The following ANO7 variants were observed in gnomAD, a reference collection of about 807,000 sequenced individuals.
ANO7 encodes the protein anoctamin 7, also known as anoctamin-7.
ANO7 carries 114 observed loss-of-function variants against 115.8 expected under a neutral mutation model. The ratio of observed to expected loss-of-function variants is 0.98; its 90% CI spans 0.85 to 1.15. The LOEUF is 1.15. ANO7 is among the 50% of genes most tolerant of loss of function. The probability of loss-of-function intolerance (pLI) is 0.00; values close to 1 mark genes in which losing one functional copy is unlikely to be tolerated. For missense variants in ANO7, 1,302 were observed against 1,201.2 expected (o/e 1.08, Z -1.24); for synonymous variants, 550 against 498.2 (o/e 1.10, Z -1.38).
chr2:241,221,058 TTTTA>T (rs1230811954), intron 21 of ANO7, among the ~76,000 whole-genome samples: 1 of 151,928 alleles, frequency 6.6e-6, no homozygotes, highest in Non-Finnish European at 1.5e-5. Flanking sequence ...ATTTTTATTT[TTTTA>T]TTTATTTTAT....
In ANO7 at chr2:241,217,880, G is replaced by A; in HGVS notation, c.2167G>A (p.Val723Ile). 6.3e-7 allele frequency: 1 copy of A among 1,586,896 alleles called. No homozygotes were observed. Among genetic ancestry groups the A allele is most frequent in the Non-Finnish European group, 8.5e-7 (1 of 1,172,108 alleles). Residue 723 changes from valine to isoleucine, a missense_variant, in exon 20 of 25, where the codon GTC becomes ATC. Transcript: ENST00000674324. ...HILAGLTHLAVISNAFLLAFS... is the reference protein window; with the variant it reads ...HILAGLTHLAIISNAFLLAFS... ...CCTGGCGGGCCTCACGCACCTGGCG[G>A]TCATCAGCAACGTGAGGCCCGGGCG...
At chr2:241,236,363 A>G in the ANO7 span, 1 of 528,586 alleles carries the variant, frequency 1.9e-6, no homozygotes. Flanking sequence ...CGTGGGCCTG[A>G]GAGGCCGGAT....
chr2:241,190,181 C>T lies in ANO7; in HGVS notation c.108+10C>T. 2.6e-6 allele frequency: 4 copies of T among 1,552,286 alleles called. No homozygotes were observed. Among genetic ancestry groups the T allele is most frequent in the Non-Finnish European group, 3.5e-6 (4 of 1,147,386 alleles). On this transcript the variant is annotated intron_variant, in intron 2 of 24. Transcript: ENST00000674324. The stretch of plus-strand genomic sequence containing the variant: ...AGCCCACGCCTCGGAGGTAACAGCA[C>T]CCAGGAGACTGTGGTGCGACTTGAG...
At chr2:241,211,927 T>G (rs752381956) in intron 15 of ANO7, among the ~76,000 whole-genome samples, 167 bp from the exon 16 acceptor site, 1 of 152,178 alleles carries the variant, frequency 6.6e-6, no homozygotes, top group African/African-American at 2.4e-5. Context: ...AATCAACATG[T>G]TTTTGGGTGA....
intron 10 of ANO7, 133 bp downstream of exon 10, chr2:241,205,088 C>A: frequency 2.8e-6 from 2 of 715,568 alleles, no homozygotes; most frequent in Non-Finnish European, 4.8e-6. Context: ...GAGGTGAGCA[C>A]ATGCCTGTCT....
At chr2:241,229,280 C>T (rs1016061084), downstream of ANO7, 4 of 298,346 alleles carry the variant, frequency 1.3e-5, no homozygotes, top group Non-Finnish European at 2.6e-5. Context: ...ATCCTAGCCA[C>T]GGCTGCGGAG....
At chr2:241,193,771 C>T (rs866436422) in intron 3 of ANO7, among the ~76,000 whole-genome samples, 19 of 152,322 alleles carry the variant, frequency 1.2e-4, no homozygotes, top group Admixed American at 9.8e-4. Context: ...AAGGGATTAA[C>T]GTATGCCTGA....
At chr2:241,215,023 TGGGGAG>T (rs1016917554) in intron 18 of ANO7, 121 bp downstream of exon 18, 29 of 915,578 alleles carry the variant, frequency 3.2e-5, no homozygotes, top group Middle Eastern at 4.7e-4. Context: ...GCACCTTGCC[TGGGGAG>T]GGGGAGGGGG....
chr2:241,222,955 TGG>T (rs1410333659), intron 21 of ANO7, among the ~76,000 whole-genome samples: 1 of 152,120 alleles, frequency 6.6e-6, no homozygotes, highest in Non-Finnish European at 1.5e-5. Flanking sequence ...TTTAGCCCAA[TGG>T]GGGACAACCC....
At chr2:241,231,003 C>A in the ANO7 span, 24 of 1,478,250 alleles carry the variant, frequency 1.6e-5, no homozygotes, top group Non-Finnish European at 2.1e-5. Flanking sequence ...CCGTCAGGGG[C>A]AAGAGCCGGC....
the ANO7 span, among the ~76,000 whole-genome samples, chr2:241,239,371 T>C: frequency 3.3e-5 from 5 of 151,888 alleles, no homozygotes; most frequent in Admixed American, 6.5e-5. The surrounding 1 kb of genome is among the most constrained non-coding windows in gnomAD (Gnocchi z 4.6). Flanking sequence ...TCTCCTTCTC[T>C]CTCTCTTTTT....
intron 18 of ANO7, 46 bp downstream of exon 18, chr2:241,214,948 C>T (rs1258213315): frequency 6.5e-7 from 1 of 1,546,786 alleles, no homozygotes; most frequent in Non-Finnish European, 8.8e-7. Context: ...GACCGAGGGA[C>T]CCCAGAGCAC....
chr2:241,229,750 C>T (rs752995230), downstream of ANO7: 20 of 1,608,430 alleles, frequency 1.2e-5, no homozygotes, highest in East Asian at 2.2e-5. Context: ...CAGCTTCCGA[C>T]GCAGTTGCCA....
rs2068510655 is a variant in ANO7, at chr2:241,203,213, G to C, written c.724-120G>C. On this transcript the variant is annotated intron_variant, in intron 8 of 24. Coordinates refer to ENST00000674324, the MANE Select transcript of ANO7 (RefSeq NM_001370694.2). This position sits in a 1 kb window ranked among gnomAD's most constrained non-coding sequence, Gnocchi z 4.8. Reference sequence around the variant, plus strand: ...CACATTACTCTATTTTTTCTTCATGGAGCAATCCCAGACTCCCAGGCCTGT... The same window carrying C: ...CACATTACTCTATTTTTTCTTCATGCAGCAATCCCAGACTCCCAGGCCTGT... 1 of 776,520 alleles carries C rather than the reference G, an allele frequency of 1.3e-6. No individual in the cohort carries two copies. The highest frequency in any genetic ancestry group is 1.9e-6 in the Non-Finnish European group (1 of 520,068). The allele number at this position is 776,520 out of a possible 1,614,324, so 48.1% of individuals were successfully genotyped here. A position where few individuals can be genotyped will look rare whatever the true frequency, so the allele number is the denominator to read the frequency against.
Position 241,223,258 on chromosome 2 carries a change from C to T in ANO7, c.2394C>T (p.Ala798=), listed in dbSNP as rs1256134326. The change falls in exon 22 of 25, where the codon GCC becomes GCT. Residue 798 remains alanine, a synonymous_variant. Transcript: ENST00000674324. The part of the protein sequence containing the change: ...TYWNLLAIRL[A]FVIVFEHVVF... Reference sequence around the variant, plus strand: ...GGAATCTTCTTGCCATCCGCCTGGCCTTCGTCATTGTGTTTGAGGTAGCCG... The same window carrying T: ...GGAATCTTCTTGCCATCCGCCTGGCTTTCGTCATTGTGTTTGAGGTAGCCG... 6.2e-7 allele frequency: 1 copy of T among 1,614,218 alleles called. No individual in the cohort carries two copies. The highest frequency in any genetic ancestry group is 1.1e-5 in the South Asian group (1 of 91,088).
chr2:241,191,031 C>T (rs980754538), intron 2 of ANO7, among the ~76,000 whole-genome samples, 163 bp from the exon 3 acceptor site: 2 of 152,226 alleles, frequency 1.3e-5, no homozygotes, highest in African/African-American at 4.8e-5. Flanking sequence ...TCCCCCTCCA[C>T]CCCCTACCCA....
chr2:241,188,778 G>T lies in ANO7; in HGVS notation c.-8+12G>T, dbSNP rs372992683. ...AGCCACTGTGCCAGGTGGGGACCCAGCCTAGACGTGTGGGCCACAGGGAGA... is the reference window on the plus strand; with the variant it reads ...AGCCACTGTGCCAGGTGGGGACCCATCCTAGACGTGTGGGCCACAGGGAGA... On this transcript the variant is annotated intron_variant, in intron 1 of 24. Coordinates refer to ENST00000674324, the MANE Select transcript of ANO7 (RefSeq NM_001370694.2). The surrounding 1 kb of genome is among the most constrained non-coding windows in gnomAD (Gnocchi z 4.3). 28 of 1,609,812 alleles carry T rather than the reference G, an allele frequency of 1.7e-5. No homozygotes were observed. The highest frequency in any genetic ancestry group is 5.0e-5 in the Admixed American group (3 of 59,414).
intron 4 of ANO7, among the ~76,000 whole-genome samples, chr2:241,197,918 C>T (rs913223726): frequency 8.6e-5 from 13 of 151,410 alleles, no homozygotes; most frequent in Non-Finnish European, 1.5e-4. Context: ...CCCAAAGTGC[C>T]GGGATCACAG....
At position 241,219,429 on chromosome 2, in the gene ANO7, C is replaced by A. The variant is rs554745728; in HGVS notation, c.2321+1048C>A. 2.6e-5 allele frequency among the ~76,000 whole-genome samples: 4 copies of A among 151,972 alleles called. No individual in the cohort carries two copies. In the East Asian group the frequency reaches 7.7e-4, roughly 29 times the overall value. On this transcript the variant is annotated intron_variant, in intron 21 of 24. Coordinates refer to ENST00000674324, the MANE Select transcript of ANO7 (RefSeq NM_001370694.2). The stretch of plus-strand genomic sequence containing the variant: ...CCTTTTATTCTTTATCTTTTTTATT[C>A]CTCCTCTCCTGACTTCTGGTGGATG...
Sources: allele counts gnomAD v4.1 joint callset (sites outside exome capture counted in the v4.1 genomes callset), GRCh38; gene constraint gnomAD v4.1.1; non-coding constraint Gnocchi (gnomAD v3.1); transcripts MANE v1.5; gene names NCBI Gene and HGNC (gene_info 2026-07-23, HGNC 2026-07-21).